The following UNC80 variants were observed in gnomAD, a reference collection of about 807,000 sequenced individuals.
The protein encoded by UNC80 is protein unc-80 homolog.
A neutral mutation model predicts 384.6 loss-of-function variants in UNC80; 164 were observed. The ratio of observed to expected loss-of-function variants is 0.43; its 90% CI spans 0.38 to 0.49. The LOEUF is 0.49. Among genes scored for constraint, UNC80 ranks in the 20% least tolerant of loss-of-function variants. The pLI is 0.00. For missense variants in UNC80, 3,330 were observed against 4,143.0 expected, an observed-to-expected ratio of 0.80 and a Z score of 5.39; for synonymous variants, 1,486 against 1,527.8, an observed-to-expected ratio of 0.97 and a Z score of 0.64.
intron 22 of UNC80, among the ~76,000 whole-genome samples, chr2:209,855,614 A>G (rs1229301915): frequency 2.0e-5 from 3 of 152,164 alleles, no homozygotes; most frequent in African/African-American, 7.2e-5. Context: ...CTCTGAGAAG[A>G]TACTGCTCTT....
intron 26 of UNC80, among the ~76,000 whole-genome samples, chr2:209,893,759 G>A (rs1348116501): frequency 6.6e-6 from 1 of 152,168 alleles, no homozygotes; most frequent in Non-Finnish European, 1.5e-5. Context: ...ATTCCAAAAT[G>A]AAGGGGTTTA....
At chr2:209,881,583 G>C (rs187705643) in intron 25 of UNC80, among the ~76,000 whole-genome samples, 2 of 151,988 alleles carry the variant, frequency 1.3e-5, no homozygotes, top group African/African-American at 4.8e-5. Context: ...GCATTTCCTA[G>C]AGATTATGGA....
At position 209,813,835 on chromosome 2, in the gene UNC80, A is replaced by T; in HGVS notation, c.1194A>T (p.Lys398Asn). 6.4e-7 allele frequency: 1 copy of T among 1,550,670 alleles called. No homozygotes were observed. The highest frequency in any genetic ancestry group is 8.7e-7 in the Non-Finnish European group (1 of 1,146,492). The change falls in exon 8 of 65, where the codon AAA (lysine) becomes AAT (asparagine). Residue 398 changes from lysine to asparagine, a missense_variant. Physicochemically the swap from Lys to Asn is moderately conservative, Grantham distance 94. Transcript: ENST00000673920. ...CTCCCTCACTAGTGAACACCCACAA[A>T]ACCCAAGTAAGAAAAACCCGGTTCA... ...AAAPSLVNTHKTQDLTMKCNE... is the reference protein window; with the variant it reads ...AAAPSLVNTHNTQDLTMKCNE...
intron 25 of UNC80, among the ~76,000 whole-genome samples, chr2:209,886,727 C>G (rs1458336386): frequency 6.6e-6 from 1 of 152,188 alleles, no homozygotes; most frequent in South Asian, 2.1e-4. Flanking sequence ...CTGCCTTTCC[C>G]CACTTGTTTG....
intron 20 of UNC80, 51 bp downstream of exon 20, chr2:209,840,699 CAT>C (rs983992560): frequency 2.1e-6 from 3 of 1,437,202 alleles, no homozygotes; most frequent in African/African-American, 1.4e-5. Flanking sequence ...CTGATACAAA[CAT>C]GTGAAGGCTG....
intron 26 of UNC80, among the ~76,000 whole-genome samples, chr2:209,891,973 GA>G (rs1355032035): frequency 6.6e-6 from 1 of 152,144 alleles, no homozygotes; most frequent in Admixed American, 6.5e-5. Flanking sequence ...AAATTCAAGT[GA>G]AATAATCATT....
At chr2:209,803,091 G>C (rs573058620) in intron 7 of UNC80, among the ~76,000 whole-genome samples, 4 of 152,182 alleles carry the variant, frequency 2.6e-5, no homozygotes, top group Non-Finnish European at 5.9e-5. Flanking sequence ...ACAACCACAG[G>C]AGTGATGTCT....
chr2:209,921,757 G>T, intron 34 of UNC80, 71 bp downstream of exon 34: 1 of 1,442,122 alleles, frequency 6.9e-7, no homozygotes, highest in South Asian at 1.5e-5. Flanking sequence ...AATTAACATT[G>T]ACAATTTTAT....
chr2:209,805,217 A>G (rs1052032753), intron 7 of UNC80, among the ~76,000 whole-genome samples: 4 of 152,168 alleles, frequency 2.6e-5, no homozygotes, highest in Non-Finnish European at 5.9e-5. Flanking sequence ...CTTATTTTTT[A>G]ACTTTCCACA....
At chr2:209,956,063 T>C (rs1185776762) in intron 48 of UNC80, among the ~76,000 whole-genome samples, 1 of 151,996 alleles carries the variant, frequency 6.6e-6, no homozygotes, top group Non-Finnish European at 1.5e-5. Flanking sequence ...TCATATTACG[T>C]AATGTTAAAG....
At chr2:209,792,848 C>T (rs2077908167) in intron 6 of UNC80, among the ~76,000 whole-genome samples, 1 of 152,144 alleles carries the variant, frequency 6.6e-6, no homozygotes, top group Non-Finnish European at 1.5e-5. Flanking sequence ...ACTTACCTGT[C>T]TTGAGACATA....
In UNC80 at chr2:209,941,290, T is replaced by C. The variant is rs1302105690; in HGVS notation, c.6716T>C (p.Phe2239Ser). ...SLWIQLLEEM[F>S]LGMPSEFPWG... ...TGGATCCAGCTGCTGGAGGAAATGTTCCTGGGCATGCCGAGCGAGTTTCCA... is the reference window on the plus strand; with the variant it reads ...TGGATCCAGCTGCTGGAGGAAATGTCCCTGGGCATGCCGAGCGAGTTTCCA... Residue 2239 changes from phenylalanine to serine, a missense_variant, in exon 44 of 65, where the codon TTC becomes TCC. Around this residue, in one of 8 missense-constraint regions of UNC80, gnomAD observed 1,049 missense variants for 1,488.6 expected, o/e 0.70. Coordinates refer to ENST00000673920, the MANE Select transcript of UNC80 (RefSeq NM_001371986.1). 1 of 1,546,092 alleles carries C rather than the reference T, an allele frequency of 6.5e-7. No homozygotes were observed. The highest frequency in any genetic ancestry group is 2.5e-5 in the East Asian group (1 of 40,726).
intron 26 of UNC80, among the ~76,000 whole-genome samples, chr2:209,891,046 G>A (rs1336145865): frequency 1.3e-5 from 2 of 152,120 alleles, no homozygotes; most frequent in Non-Finnish European, 2.9e-5. Context: ...TTTATGTGTT[G>A]AAGTATTTTC....
intron 60 of UNC80, among the ~76,000 whole-genome samples, chr2:209,983,536 T>TA (rs1269253083): frequency 2.0e-5 from 3 of 152,060 alleles, no homozygotes; most frequent in African/African-American, 7.2e-5. Flanking sequence ...TAACATGTCC[T>TA]AAAAAAGATA....
At chr2:209,966,520 T>C (rs905742965) in intron 51 of UNC80, among the ~76,000 whole-genome samples, 4 of 152,238 alleles carry the variant, frequency 2.6e-5, no homozygotes, top group Non-Finnish European at 5.9e-5. Context: ...CATCATTGTA[T>C]TTGTATTATT....
intron 7 of UNC80, among the ~76,000 whole-genome samples, chr2:209,807,438 C>T (rs1221449194): frequency 6.8e-6 from 1 of 147,542 alleles, no homozygotes; most frequent in Non-Finnish European, 1.5e-5. Context: ...TGTCTCGGCT[C>T]ACTGCAAGCT....
At chr2:209,962,890 T>G (rs2092637995) in intron 51 of UNC80, among the ~76,000 whole-genome samples, 1 of 152,210 alleles carries the variant, frequency 6.6e-6, no homozygotes, top group Non-Finnish European at 1.5e-5. Flanking sequence ...TTGAGGGTAG[T>G]ATTAAATCGT....
chr2:209,914,614 A>G (rs1411836111), intron 31 of UNC80, among the ~76,000 whole-genome samples: 2 of 135,202 alleles, frequency 1.5e-5, no homozygotes, highest in African/African-American at 5.6e-5. Context: ...AGAGGCAACA[A>G]TTTTTAAGTT....
rs1261694087 is a variant in UNC80 at position 209,917,937 on chromosome 2, A to G, written c.5190A>G (p.Glu1730=). Residue 1730 remains glutamate (E), a synonymous_variant, in exon 32 of 65, where the codon GAA becomes GAG. Coordinates refer to ENST00000673920, the MANE Select transcript of UNC80 (RefSeq NM_001371986.1). The part of the protein sequence containing the change: ...FRYQVWPRME[E]GAQQIFKIPP... ...ATCAGGTCTGGCCCCGGATGGAGGA[A>G]GGGGCACAGCAGATTTTTAAGGTGA... is the stretch of plus-strand genomic sequence containing the variant. The G allele has an allele frequency of 3.7e-5, 58 of 1,551,668 alleles. No individual in the cohort carries two copies. The highest frequency in any genetic ancestry group is 2.0e-5 in the Admixed American group (1 of 51,006).
Sources: gnomAD v4.1 joint callset for allele counts (sites outside exome capture counted in the v4.1 genomes callset) on GRCh38, gnomAD v4.1.1 for gene constraint, gnomAD v4.1.1 regional missense constraint, MANE v1.5 for transcripts, NCBI Gene and HGNC (gene_info 2026-07-23, HGNC 2026-07-21) for gene names.